The following DIAPH3 variants were observed in gnomAD, a reference collection of about 807,000 sequenced individuals.
DIAPH3 encodes the protein protein diaphanous homolog 3.
Under a neutral mutation model 144.3 loss-of-function variants are expected in DIAPH3, and 117 were observed. The observed-to-expected ratio is 0.81, with a 90% CI of 0.70 to 0.95. The LOEUF (loss-of-function observed/expected upper bound fraction) is 0.95, where lower values mean the gene tolerates loss of function less well. DIAPH3 is among the 40% of genes least tolerant of loss of function. The probability of loss-of-function intolerance (pLI) is 0.00; values close to 1 mark genes in which losing one functional copy is unlikely to be tolerated. For synonymous variants in DIAPH3, 519 were observed against 488.9 expected (o/e 1.06, Z -0.81); for missense variants, 1,421 against 1,412.7 (o/e 1.01, Z -0.09).
At chr13:59,797,175 TC>T (rs764961723) in intron 25 of DIAPH3, among the ~76,000 whole-genome samples, 3 of 152,118 alleles carry the variant, frequency 2.0e-5, no homozygotes, top group Admixed American at 6.6e-5. Context: ...ACACTTTCTA[TC>T]CCCCCATCCC....
At chr13:59,667,193 C>T (rs748945758) in intron 27 of DIAPH3, among the ~76,000 whole-genome samples, 13 of 152,188 alleles carry the variant, frequency 8.5e-5, no homozygotes, top group Admixed American at 2.0e-4. Flanking sequence ...CCTAGCCACC[C>T]ATCTAAAATA....
At chr13:59,971,269 A>G (rs1294707761) in intron 15 of DIAPH3, 109 bp from the exon 16 acceptor site, 1 of 1,037,994 alleles carries the variant, frequency 9.6e-7, no homozygotes, top group Admixed American at 2.9e-5. Flanking sequence ...ATAATTACAT[A>G]TCAGTAATTT....
chr13:59,933,739 T>G (rs981709245), intron 17 of DIAPH3, among the ~76,000 whole-genome samples: 3 of 152,212 alleles, frequency 2.0e-5, no homozygotes, highest in Admixed American at 6.5e-5. Context: ...AAGGGTTTTA[T>G]GTCAGAATGA....
intron 20 of DIAPH3, among the ~76,000 whole-genome samples, chr13:59,890,974 C>A (rs529620976): frequency 6.6e-6 from 1 of 150,408 alleles, no homozygotes; most frequent in East Asian, 1.9e-4. Flanking sequence ...TGCAAATGAA[C>A]CAGAATATAT....
intron 18 of DIAPH3, among the ~76,000 whole-genome samples, chr13:59,922,864 G>C (rs1284614671): frequency 6.6e-6 from 1 of 152,010 alleles, no homozygotes; most frequent in East Asian, 1.9e-4. Flanking sequence ...ATGTTATTCT[G>C]TTTTCTGTAA....
At chr13:59,978,606 A>G (rs2050805996) in intron 14 of DIAPH3, among the ~76,000 whole-genome samples, 1 of 151,758 alleles carries the variant, frequency 6.6e-6, no homozygotes. Flanking sequence ...TTATGAAAAA[A>G]TAAGTTTCCA....
chr13:59,990,394 C>T (rs1309850846), intron 12 of DIAPH3, among the ~76,000 whole-genome samples: 1 of 151,742 alleles, frequency 6.6e-6, no homozygotes, highest in Non-Finnish European at 1.5e-5. Flanking sequence ...AAAAAACACC[C>T]AAAGTATAAG....
chr13:60,019,326 C>A (rs1800551835), intron 5 of DIAPH3, among the ~76,000 whole-genome samples: 1 of 152,138 alleles, frequency 6.6e-6, no homozygotes, highest in African/African-American at 2.4e-5. Flanking sequence ...TGTGGTTTAA[C>A]TATAAACTGC....
Position 59,810,874 on chromosome 13 carries a change from T to A in DIAPH3, c.3077A>T (p.Lys1026Ile), listed in dbSNP as rs1566345206. The A allele has an allele frequency of 6.2e-7, 1 of 1,612,860 alleles. No individual in the cohort carries two copies. The highest frequency in any genetic ancestry group is 8.5e-7 in the Non-Finnish European group (1 of 1,179,762). The change falls in exon 25 of 28, where the codon AAA (lysine) becomes ATA (isoleucine). Residue 1026 changes from lysine (K) to isoleucine (I), a missense_variant. Transcript: ENST00000400324. Reference protein sequence around the residue: ...IKKREAEEKEKRVRIAKELAE... With the variant: ...IKKREAEEKEIRVRIAKELAE... ...TAATTCTTTAGCTATTCTGACACGT[T>A]TTTCTTTTTCCTCTGCTTCTCTTTT...
chr13:59,863,054 G>A (rs2043694166), intron 21 of DIAPH3, among the ~76,000 whole-genome samples: 1 of 152,102 alleles, frequency 6.6e-6, no homozygotes, highest in African/African-American at 2.4e-5. Flanking sequence ...ACGGGCTTGA[G>A]ACGACCAGGG....
intron 27 of DIAPH3, among the ~76,000 whole-genome samples, chr13:59,765,999 T>C (rs1469290309): frequency 6.6e-6 from 1 of 152,198 alleles, no homozygotes; most frequent in East Asian, 1.9e-4. Flanking sequence ...GCAGAAACAC[T>C]GGTGAACCAC....
intron 27 of DIAPH3, among the ~76,000 whole-genome samples, chr13:59,673,344 A>G (rs1194236547): frequency 1.3e-5 from 2 of 152,202 alleles, no homozygotes; most frequent in Admixed American, 1.3e-4. Context: ...CAAAGCATCG[A>G]AATTCCTAAA....
At position 59,889,281 on chromosome 13, in the gene DIAPH3, G is replaced by A. The variant is rs574861370; in HGVS notation, c.2368-9813C>T. Among the ~76,000 whole-genome samples, 3 of 152,050 alleles carry A rather than the reference G, an allele frequency of 2.0e-5. No homozygotes were observed. The South Asian group carries it at 6.2e-4, about 32-fold the overall frequency. ...GAATGATATCTACCCAATAATACCT[G>A]CTGTTTATTACTTTATTCAGTCTTT... On this transcript the variant is annotated intron_variant, in intron 20 of 27. Transcript: ENST00000400324.
At chr13:60,048,959 GA>G (rs2056208480) in intron 4 of DIAPH3, among the ~76,000 whole-genome samples, 1 of 151,982 alleles carries the variant, frequency 6.6e-6, no homozygotes, top group South Asian at 2.1e-4. Context: ...TAAGCAGGAG[GA>G]AAAAAATGAA....
At chr13:59,687,267 C>T (rs1029297561) in intron 27 of DIAPH3, among the ~76,000 whole-genome samples, 4 of 152,078 alleles carry the variant, frequency 2.6e-5, no homozygotes, top group African/African-American at 9.7e-5. Flanking sequence ...CTGACAGTTC[C>T]TGGGTACTCC....
intron 4 of DIAPH3, among the ~76,000 whole-genome samples, chr13:60,060,423 C>G (rs2056720567): frequency 6.6e-6 from 1 of 152,022 alleles, no homozygotes; most frequent in African/African-American, 2.4e-5. Flanking sequence ...GCATTGTTGT[C>G]ACAATAAGCA....
chr13:59,975,714 A>G (rs1026277604), intron 14 of DIAPH3, among the ~76,000 whole-genome samples: 1 of 151,986 alleles, frequency 6.6e-6, no homozygotes, highest in African/African-American at 2.4e-5. Flanking sequence ...TTTAATTCCC[A>G]TTTTACAGGG....
At chr13:60,087,235 T>C (rs569902367) in intron 4 of DIAPH3, among the ~76,000 whole-genome samples, 1 of 152,310 alleles carries the variant, frequency 6.6e-6, no homozygotes, top group South Asian at 2.1e-4. Flanking sequence ...TTCGACTGTA[T>C]ACATAAATCT....
intron 13 of DIAPH3, among the ~76,000 whole-genome samples, chr13:59,982,030 C>G (rs1033347855): frequency 4.6e-5 from 7 of 151,394 alleles, no homozygotes; most frequent in Non-Finnish European, 1.0e-4. Context: ...CACAGTATGT[C>G]AAATTATCTG....
Sources: gnomAD v4.1 joint callset for allele counts (sites outside exome capture counted in the v4.1 genomes callset) on GRCh38, gnomAD v4.1.1 for gene constraint, MANE v1.5 for transcripts, NCBI Gene and HGNC (gene_info 2026-07-23, HGNC 2026-07-21) for gene names.